CREBBP: variants seen among roughly 807,000 people sequenced by gnomAD.
CREBBP encodes the protein CREB binding lysine acetyltransferase.
Under a neutral mutation model 265.0 loss-of-function variants are expected in CREBBP, and 19 were observed. That is an observed-to-expected ratio of 0.07 (90% confidence interval 0.05 to 0.11). The LOEUF is 0.11. CREBBP is among the 10% of genes least tolerant of loss of function. The pLI is 1.00. For synonymous variants in CREBBP, 1,457 were observed against 1,223.7 expected (o/e 1.19, Z -3.98); for missense variants, 2,525 against 3,219.0 (o/e 0.78, Z 5.22).
intron 16 of CREBBP, among the ~76,000 whole-genome samples, chr16:3,765,043 G>A (rs1391704421): frequency 1.3e-5 from 2 of 151,288 alleles, no homozygotes; most frequent in South Asian, 2.1e-4. Context: ...GCAGTATCTC[G>A]GCTCACTACA....
intron 5 of CREBBP, among the ~76,000 whole-genome samples, chr16:3,790,366 C>CTTTTTTT (rs57582399): frequency 2.0e-4 from 13 of 66,602 alleles, no homozygotes; most frequent in Non-Finnish European, 2.7e-4. Flanking sequence ...AGGAAACTGG[C>CTTTTTTT]TTTTTTTTTT....
At position 3,847,286 on chromosome 16, in the gene CREBBP, A is replaced by T. The variant is rs189802031; in HGVS notation, c.798+3011T>A. On this transcript the variant is annotated intron_variant, in intron 2 of 30. Transcript: ENST00000262367. ...GATGTTGCTCTTTTCCTACTATTTT[A>T]ATTATTTCATAGGATATACTTCCTG... 2.1e-3 allele frequency among the ~76,000 whole-genome samples: 325 copies of T among 152,260 alleles called. 1 individual carries two copies. Among genetic ancestry groups the T allele is most frequent in the African/African-American group, 7.6e-3 (317 of 41,534 alleles).
In CREBBP at chr16:3,739,595, G is replaced by A. The variant is rs61731413; in HGVS notation, c.4263C>T (p.Cys1421=). The change falls in exon 25 of 31, where the codon TGC becomes TGT. Residue 1421 remains cysteine (C), a synonymous_variant. Coordinates refer to ENST00000262367, the MANE Select transcript of CREBBP (RefSeq NM_004380.3). ...AAAACTACCTCGTGTTTGGAGGGGG[G>A]CAATCAGAGCCGTATTCTTGGACGT... is the stretch of plus-strand genomic sequence containing the variant. The part of the protein sequence containing the change: ...GMHVQEYGSD[C]PPPNTRRVYI... 1.4e-5 allele frequency: 22 copies of A among 1,614,210 alleles called. 1 individual carries two copies. The Middle Eastern group carries it at 6.6e-4, about 48-fold the overall frequency.
At chr16:3,746,890 A>G (rs1481309386) in intron 21 of CREBBP, among the ~76,000 whole-genome samples, 1 of 152,142 alleles carries the variant, frequency 6.6e-6, no homozygotes, top group Admixed American at 6.5e-5. Context: ...GGCTGCAGTG[A>G]GCTATGACTG....
chr16:3,857,405 C>CGTA (rs2141528941), intron 1 of CREBBP, among the ~76,000 whole-genome samples: 1 of 152,316 alleles, frequency 6.6e-6, no homozygotes, highest in African/African-American at 2.4e-5. Flanking sequence ...AGGGCGCACA[C>CGTA]GTAGTCGTAC....
rs1567297720 is a variant in CREBBP, at chr16:3,769,324, G to C, written c.2910C>G (p.Asn970Lys). 6.2e-7 allele frequency: 1 copy of C among 1,614,190 alleles called. No individual in the cohort carries two copies. Among genetic ancestry groups the C allele is most frequent in the East Asian group, 2.2e-5 (1 of 44,886 alleles). The change falls in exon 15 of 31, where the codon AAC becomes AAG. Residue 970 changes from asparagine (N) to lysine (K), a missense_variant. Coordinates refer to ENST00000262367, the MANE Select transcript of CREBBP (RefSeq NM_004380.3). Reference protein sequence around the residue: ...PLSQAAASIDNRVPTPSSVAS... With the variant: ...PLSQAAASIDKRVPTPSSVAS... ...CCACCGAGGAGGGGGTAGGGACTCT[G>C]TTATCAATGCTGGCTGCTGCCTGGG...
At chr16:3,860,104 A>T (rs998493844) in intron 1 of CREBBP, among the ~76,000 whole-genome samples, 1 of 152,022 alleles carries the variant, frequency 6.6e-6, no homozygotes, top group Non-Finnish European at 1.5e-5. Context: ...TGCAGCACCG[A>T]GTGCCTACTC....
At chr16:3,833,158 A>T (rs2054376022) in intron 2 of CREBBP, among the ~76,000 whole-genome samples, 1 of 152,240 alleles carries the variant, frequency 6.6e-6, no homozygotes, top group Admixed American at 6.5e-5. Flanking sequence ...CACACCTATA[A>T]TCCCAGCACT....
rs940523665 is a variant in CREBBP at position 3,861,141 on chromosome 16, G to C, written c.86-10132C>G. 2.6e-5 allele frequency among the ~76,000 whole-genome samples: 4 copies of C among 152,064 alleles called. 1 individual carries two copies. The highest frequency in any genetic ancestry group is 6.6e-5 in the Admixed American group (1 of 15,256). On this transcript the variant is annotated intron_variant, in intron 1 of 30. Transcript: ENST00000262367. ...CTGAAAATTACAAAAAATTAGCTGG[G>C]CGTGGTGGCAGGTGCCTATAACCCC... is the stretch of plus-strand genomic sequence containing the variant.
intron 1 of CREBBP, among the ~76,000 whole-genome samples, chr16:3,852,208 A>G (rs1242466796): frequency 5.8e-5 from 6 of 103,458 alleles, no homozygotes; most frequent in Non-Finnish European, 1.0e-4. Flanking sequence ...TCTGCGGCCC[A>G]GGCTGGATGG....
At chr16:3,847,895 G>A (rs1236774565) in intron 2 of CREBBP, among the ~76,000 whole-genome samples, 1 of 152,222 alleles carries the variant, frequency 6.6e-6, no homozygotes, top group Non-Finnish European at 1.5e-5. Context: ...TAGGCCGGGC[G>A]TGGTGGCTCA....
chr16:3,808,488 T>C (rs2053875149), intron 3 of CREBBP, among the ~76,000 whole-genome samples: 1 of 152,236 alleles, frequency 6.6e-6, no homozygotes, highest in Non-Finnish European at 1.5e-5. Flanking sequence ...GAGGGGAGCC[T>C]GCCCCAGACC....
At chr16:3,875,298 T>C (rs2055376234) in intron 1 of CREBBP, among the ~76,000 whole-genome samples, 1 of 152,236 alleles carries the variant, frequency 6.6e-6, no homozygotes, top group Admixed American at 6.5e-5. Context: ...GCCACCGCTC[T>C]CACCCCTCTC....
intron 19 of CREBBP, 138 bp downstream of exon 19, chr16:3,757,150 A>C (rs1206354351): frequency 1.4e-6 from 1 of 730,096 alleles, no homozygotes; most frequent in African/African-American, 1.7e-5. Flanking sequence ...CTGGGATTAC[A>C]GGCGTGAGCC....
intron 1 of CREBBP, among the ~76,000 whole-genome samples, chr16:3,873,796 CTCG>C (rs1306173148): frequency 1.3e-5 from 2 of 152,150 alleles, no homozygotes; most frequent in Non-Finnish European, 2.9e-5. Flanking sequence ...GGGTACGGAA[CTCG>C]GAAGCAAATA....
intron 2 of CREBBP, among the ~76,000 whole-genome samples, chr16:3,832,161 T>C (rs1183426354): frequency 6.6e-6 from 1 of 152,156 alleles, no homozygotes; most frequent in Non-Finnish European, 1.5e-5. Flanking sequence ...ACCTATTAGC[T>C]ATTCAAATTT....
intron 3 of CREBBP, among the ~76,000 whole-genome samples, chr16:3,805,332 G>A (rs2053807017): frequency 6.6e-6 from 1 of 152,178 alleles, no homozygotes; most frequent in South Asian, 2.1e-4. Context: ...TTTTTCTATA[G>A]ACACTGTTAT....
Position 3,728,819 on chromosome 16 carries a change from C to T in CREBBP, c.6228G>A (p.Ser2076=), listed in dbSNP as rs759497776. 2.8e-5 allele frequency: 45 copies of T among 1,613,476 alleles called. No individual in the cohort carries two copies. The highest frequency in any genetic ancestry group is 4.4e-5 in the South Asian group (4 of 91,086). ...GCTGTTGCTGCTGAGGGGAGCTGGG[C>T]GACTTCAGGGTCCGCAGCAGGTCTT... ...ALQDLLRTLK[S]PSSPQQQQQV... Residue 2076 remains serine, a synonymous_variant, in exon 31 of 31, where the codon TCG becomes TCA. Transcript: ENST00000262367. The surrounding 1 kb of genome is among the most constrained non-coding windows in gnomAD (Gnocchi z 8.7).
chr16:3,839,203 T>G (rs960642841), intron 2 of CREBBP, among the ~76,000 whole-genome samples: 1 of 152,180 alleles, frequency 6.6e-6, no homozygotes, highest in African/African-American at 2.4e-5. Context: ...ACCCTGGATG[T>G]GAACTGAGTC....
Sources: gnomAD v4.1 joint callset for allele counts (sites outside exome capture counted in the v4.1 genomes callset) on GRCh38, gnomAD v4.1.1 for gene constraint, Gnocchi (gnomAD v3.1) non-coding constraint, MANE v1.5 for transcripts, NCBI Gene and HGNC (gene_info 2026-07-23, HGNC 2026-07-21) for gene names.